SUCO: variants seen among roughly 807,000 people sequenced by gnomAD.
SUCO encodes SUN domain-containing ossification factor.
A neutral mutation model predicts 148.1 loss-of-function variants in SUCO; 57 were observed. That is an observed-to-expected ratio of 0.38 (90% CI 0.31 to 0.48). The LOEUF (loss-of-function observed/expected upper bound fraction) is 0.48. SUCO is among the 20% of genes least tolerant of loss of function. The probability of loss-of-function intolerance (pLI) is 0.96; values close to 1 mark genes in which losing one functional copy is unlikely to be tolerated. For missense variants in SUCO, 1,331 were observed against 1,468.2 expected (o/e 0.91, Z 1.53); for synonymous variants, 470 against 502.7 (o/e 0.93, Z 0.87).
Position 172,608,770 on chromosome 1 carries a change from G to A in SUCO, c.3289G>A (p.Val1097Ile). 6.4e-7 allele frequency: 1 copy of A among 1,552,204 alleles called. No homozygotes were observed. Among genetic ancestry groups the A allele is most frequent in the Non-Finnish European group, 8.8e-7 (1 of 1,134,784 alleles). Residue 1097 changes from valine (V) to isoleucine (I), a missense_variant, in exon 23 of 24, where the codon GTA (valine) becomes ATA (isoleucine). By Grantham distance (29) the Val-to-Ile change is conservative. This residue lies in a region of SUCO where 334 missense variants were observed against 352.3 expected (regional missense o/e 0.95). Transcript: ENST00000263688. ...AGTAGACCCAAATGATTTGTACATT[G>A]TAGAACCCCTCAAGTTTTCTCCAGA... is the stretch of plus-strand genomic sequence containing the variant. ...KEVDPNDLYIVEPLKFSPEKK... is the reference protein window; with the variant it reads ...KEVDPNDLYIIEPLKFSPEKK...
At chr1:172,577,629 C>T (rs1655548621) in intron 12 of SUCO, 70 bp downstream of exon 12, 2 of 1,587,424 alleles carry the variant, frequency 1.3e-6, no homozygotes, top group African/African-American at 2.7e-5. Flanking sequence ...AAAAACTTTA[C>T]AAGTATTGAT....
In SUCO at chr1:172,610,727, C is replaced by T. The variant is rs1197775787; in HGVS notation, c.*468C>T. 1.3e-5 allele frequency: 2 copies of T among 154,062 alleles called. No homozygotes were observed. The highest frequency in any genetic ancestry group is 3.8e-4 in the East Asian group (2 of 5,244). The allele number at this position is 154,062 out of a possible 1,614,324, so 9.5% of individuals were successfully genotyped here. ...TAGGTTTTTGAAGCTGCAAACACTA[C>T]AATGCTTTGAGGGGGTCTGTGCCTG... On this transcript the variant is annotated 3_prime_UTR_variant, in exon 24 of 24. Transcript: ENST00000263688.
intron 23 of SUCO, 34 bp downstream of exon 23, chr1:172,608,836 T>A (rs558206312): frequency 7.3e-7 from 1 of 1,371,630 alleles, no homozygotes; most frequent in East Asian, 2.3e-5. Context: ...TTTATTGCTA[T>A]GTTTTGTGAT....
At chr1:172,547,672 T>C (rs1209965040) in intron 1 of SUCO, among the ~76,000 whole-genome samples, 1 of 152,188 alleles carries the variant, frequency 6.6e-6, no homozygotes. Flanking sequence ...TAAATGATAC[T>C]GAATAGACAT....
chr1:172,563,637 A>T (rs1253078316), intron 6 of SUCO, among the ~76,000 whole-genome samples: 3 of 152,234 alleles, frequency 2.0e-5, no homozygotes, highest in African/African-American at 4.8e-5. Context: ...ACTGGAACTT[A>T]TATTTAAAAC....
At chr1:172,554,608 A>G (rs1653584756) in intron 3 of SUCO, among the ~76,000 whole-genome samples, 1 of 152,002 alleles carries the variant, frequency 6.6e-6, no homozygotes, top group Non-Finnish European at 1.5e-5. Flanking sequence ...GTGGTGGTGC[A>G]CGCCTATAGT....
rs934656329 is a variant in SUCO at position 172,578,562 on chromosome 1, T to C, written c.1432+173T>C. ...ACTTAAATCTGTTTTCTAATATGAT[T>C]GCTTTGTATTCGTATTGCTTTCCAA... On this transcript the variant is annotated intron_variant, in intron 14 of 23. Coordinates refer to ENST00000263688, the MANE Select transcript of SUCO (RefSeq NM_014283.5). 3.1e-6 allele frequency: 3 copies of C among 967,470 alleles called. No individual in the cohort carries two copies. The African/African-American group carries it at 5.3e-5, about 17-fold the overall frequency. 59.9% of individuals were successfully genotyped at this position (967,470 alleles called of 1,614,324 possible).
intron 9 of SUCO, among the ~76,000 whole-genome samples, chr1:172,572,379 C>T (rs1655090277): frequency 1.3e-5 from 2 of 151,828 alleles, no homozygotes; most frequent in Admixed American, 6.6e-5. Context: ...GCCTTGTGAT[C>T]CTGTTGATCG....
At chr1:172,607,843 TC>T (rs1480994809) in intron 22 of SUCO, among the ~76,000 whole-genome samples, 1 of 151,978 alleles carries the variant, frequency 6.6e-6, no homozygotes, top group African/African-American at 2.4e-5. Context: ...TTGATGACTT[TC>T]TCAATAAATC....
At chr1:172,585,126 T>C (rs2149257424) in intron 16 of SUCO, 40 bp downstream of exon 16, 1 of 1,410,910 alleles carries the variant, frequency 7.1e-7, no homozygotes, top group African/African-American at 1.4e-5. Context: ...TAGCTGGTAC[T>C]CCAGGGATCC....
chr1:172,540,409 A>G (rs1652363599), intron 1 of SUCO, among the ~76,000 whole-genome samples: 1 of 152,208 alleles, frequency 6.6e-6, no homozygotes, highest in Admixed American at 6.5e-5. Context: ...AGAAATACGC[A>G]TACCTAGGAT....
In SUCO at chr1:172,533,194, G is replaced by C; in HGVS notation, c.-242G>C. 1 of 1,505,588 alleles carries C rather than the reference G, an allele frequency of 6.6e-7. No homozygotes were observed. Among genetic ancestry groups the C allele is most frequent in the Non-Finnish European group, 8.9e-7 (1 of 1,127,630 alleles). The allele number at this position is 1,505,588 out of a possible 1,614,324, so 93.3% of individuals were successfully genotyped here. A position where few individuals can be genotyped will look rare whatever the true frequency, so the allele number is the denominator to read the frequency against. ...TGCAGGAGGCGGGCGTGGACGAGCC[G>C]GTGGCTGCAGCGGCGGCGGTCCCCG... is the stretch of plus-strand genomic sequence containing the variant. On this transcript the variant is annotated 5_prime_UTR_variant, in exon 1 of 24. Transcript: ENST00000263688.
chr1:172,544,106 A>G (rs1208243182), intron 1 of SUCO: 8 of 886,508 alleles, frequency 9.0e-6, no homozygotes, highest in Non-Finnish European at 1.1e-5. Context: ...CCAGGAAGTA[A>G]TATTCAAAAA....
Position 172,577,768 on chromosome 1 carries a change from A to G in SUCO, c.1289A>G (p.Glu430Gly), listed in dbSNP as rs1023656350. Residue 430 changes from glutamate (E) to glycine (G), a missense_variant, in exon 13 of 24, where the codon GAG (glutamate) becomes GGG (glycine). Coordinates refer to ENST00000263688, the MANE Select transcript of SUCO (RefSeq NM_014283.5). ...TTATGTGCTTTTATTCTTTAGGTTG[A>G]GTTGCTATCACATTTTGGATCAGAG... is the stretch of plus-strand genomic sequence containing the variant. ...VKMFIKYIKV[E>G]LLSHFGSEHF... 6.2e-7 allele frequency: 1 copy of G among 1,611,742 alleles called. No individual in the cohort carries two copies.
chr1:172,564,303 G>A (rs748425043), intron 6 of SUCO, among the ~76,000 whole-genome samples: 2 of 152,362 alleles, frequency 1.3e-5, no homozygotes, highest in African/African-American at 2.4e-5. Flanking sequence ...TCCACCAACA[G>A]CTTGCACCGT....
At position 172,591,046 on chromosome 1, in the gene SUCO, A is replaced by C. The variant is rs745444809; in HGVS notation, c.2888A>C (p.Asn963Thr). The change falls in exon 19 of 24, where the codon AAT (asparagine) becomes ACT (threonine). Residue 963 changes from asparagine (N) to threonine (T), a missense_variant. This residue lies in a region of SUCO where 334 missense variants were observed against 352.3 expected (regional missense o/e 0.95). Transcript: ENST00000263688. The part of the protein sequence containing the change: ...AFNKTIVKLQ[N>T]TSRIAEEQDQ... ...AATAAAACAATCGTGAAACTTCAGA[A>C]TACTTCAAGAATAGCAGAGGAGCAG... The C allele has an allele frequency of 6.2e-7, 1 of 1,612,106 alleles. No individual in the cohort carries two copies. The highest frequency in any genetic ancestry group is 1.1e-5 in the South Asian group (1 of 90,644).
At chr1:172,595,061 C>T (rs918285931) in intron 19 of SUCO, among the ~76,000 whole-genome samples, 11 of 152,228 alleles carry the variant, frequency 7.2e-5, no homozygotes, top group Non-Finnish European at 1.5e-4. Flanking sequence ...CTCTTTTGAT[C>T]TTTGTTGGTT....
chr1:172,569,695 T>TA (rs542763752), intron 7 of SUCO, among the ~76,000 whole-genome samples: 1,532 of 148,466 alleles, frequency 0.01, 19 homozygotes, highest in African/African-American at 0.027. Context: ...CCCCAGAGCT[T>TA]AAAAAAAAAA....
intron 19 of SUCO, among the ~76,000 whole-genome samples, chr1:172,596,766 T>C (rs1387863114): frequency 6.6e-6 from 1 of 152,176 alleles, no homozygotes. Context: ...GTCTGTTCAT[T>C]CTCAGATCTC....
Sources: gnomAD v4.1 joint callset for allele counts (sites outside exome capture counted in the v4.1 genomes callset) on GRCh38, gnomAD v4.1.1 for gene constraint, gnomAD v4.1.1 regional missense constraint, MANE v1.5 for transcripts, NCBI Gene and HGNC (gene_info 2026-07-23, HGNC 2026-07-21) for gene names.